SHPRH: variants seen among roughly 807,000 people sequenced by gnomAD.
SHPRH encodes the protein SNF2 histone linker PHD RING helicase, also known as E3 ubiquitin-protein ligase SHPRH.
Under a neutral mutation model 202.5 loss-of-function variants are expected in SHPRH, and 106 were observed. That is an observed-to-expected ratio of 0.52 (90% CI 0.45 to 0.62). The LOEUF (loss-of-function observed/expected upper bound fraction) is 0.62, where lower values mean the gene tolerates loss of function less well. Ranked by LOEUF, SHPRH falls within the 20% of genes least tolerant of loss-of-function variation. The pLI is 0.00. For missense variants in SHPRH, 1,710 were observed against 2,020.0 expected, an observed-to-expected ratio of 0.85 and a Z score of 2.94; for synonymous variants, 729 against 686.0, an observed-to-expected ratio of 1.06 and a Z score of -0.98.
chr6:145,873,995 T>C (rs942493069), intron 2 of SHPRH, among the ~76,000 whole-genome samples: 12 of 151,774 alleles, frequency 7.9e-5, no homozygotes, highest in Admixed American at 2.6e-4. Flanking sequence ...GGTCAGGAGT[T>C]CAAGACCAGC....
At chr6:145,865,339 C>T (rs1779728997) in intron 2 of SHPRH, among the ~76,000 whole-genome samples, 1 of 152,150 alleles carries the variant, frequency 6.6e-6, no homozygotes, top group Admixed American at 6.5e-5. Context: ...CTTTCTCTTT[C>T]CCATGTGAGG....
chr6:145,882,239 C>T (rs749109671), downstream of SHPRH, among the ~76,000 whole-genome samples: 1 of 152,138 alleles, frequency 6.6e-6, no homozygotes, highest in Non-Finnish European at 1.5e-5. Flanking sequence ...AACGAGATGA[C>T]TGCTTGAGTC....
At chr6:145,880,162 T>C (rs1269721249), downstream of SHPRH, among the ~76,000 whole-genome samples, 1 of 152,124 alleles carries the variant, frequency 6.6e-6, no homozygotes, top group African/African-American at 2.4e-5. Context: ...CAGGTGTATC[T>C]CCAAACATTC....
At chr6:145,929,347 G>C (rs1785200489) in intron 14 of SHPRH, among the ~76,000 whole-genome samples, 1 of 151,886 alleles carries the variant, frequency 6.6e-6, no homozygotes, top group Non-Finnish European at 1.5e-5. Context: ...AATAAAATGT[G>C]TTTAATACCA....
intron 23 of SHPRH, 41 bp from the exon 24 acceptor site, chr6:145,913,590 T>C: frequency 6.5e-7 from 1 of 1,536,868 alleles, no homozygotes; most frequent in Non-Finnish European, 8.9e-7. Context: ...GTTACGTTTT[T>C]ACATATAAAA....
At chr6:145,946,612 A>T (rs1036646703) in intron 6 of SHPRH, among the ~76,000 whole-genome samples, 2 of 152,070 alleles carry the variant, frequency 1.3e-5, no homozygotes, top group Non-Finnish European at 2.9e-5. Flanking sequence ...TTTAAATATA[A>T]AATTAACCCA....
intron 2 of SHPRH, among the ~76,000 whole-genome samples, chr6:145,867,599 A>AATAT (rs374395571): frequency 0.014 from 300 of 21,534 alleles, 19 homozygotes; most frequent in Admixed American, 0.027. Flanking sequence ...TTCAAAAAAG[A>AATAT]ATATATATAT....
chr6:145,943,751 T>C lies in SHPRH; in HGVS notation c.1630A>G (p.Lys544Glu). ...GGCAAGTATTCAGAATCTGTGTCCT[T>C]GTTCCCTGATTTTCTAGTTTCTTTC... ...IQKETRKSGN[K>E]DTDSEYLPSD... Residue 544 changes from lysine to glutamate, a missense_variant, in exon 9 of 30, where the codon AAG becomes GAG. Lys to Glu is a moderately conservative substitution (Grantham distance 56). This residue lies in a region of SHPRH where 348 missense variants were observed against 356.9 expected (regional missense o/e 0.97). Transcript: ENST00000275233. 1.3e-6 allele frequency: 2 copies of C among 1,598,284 alleles called. No homozygotes were observed. The highest frequency in any genetic ancestry group is 1.7e-6 in the Non-Finnish European group (2 of 1,175,826).
chr6:145,925,092 T>C (rs1282812795), intron 16 of SHPRH, among the ~76,000 whole-genome samples: 1 of 151,652 alleles, frequency 6.6e-6, no homozygotes, highest in Non-Finnish European at 1.5e-5. Flanking sequence ...TGCCAATTTC[T>C]TATTTAATTT....
At chr6:145,891,976 G>A (rs1471125603) in intron 28 of SHPRH, among the ~76,000 whole-genome samples, 1 of 152,130 alleles carries the variant, frequency 6.6e-6, no homozygotes, top group African/African-American at 2.4e-5. Context: ...TGGTATGTTA[G>A]AACAAGCCCG....
At chr6:145,907,680 G>A (rs936787344) in intron 25 of SHPRH, 1 of 151,892 alleles carries the variant, frequency 6.6e-6, no homozygotes, top group Non-Finnish European at 1.5e-5. Flanking sequence ...TTCTCTGTCT[G>A]GGAGCCAACC....
intron 25 of SHPRH, chr6:145,904,818 A>T (rs575490609): frequency 2.0e-5 from 3 of 151,990 alleles, no homozygotes; most frequent in Non-Finnish European, 4.4e-5. Flanking sequence ...TATAAACTTA[A>T]TTTTTTTTAA....
At chr6:145,945,328 G>GT in intron 8 of SHPRH, 53 bp downstream of exon 8, 1 of 1,540,044 alleles carries the variant, frequency 6.5e-7, no homozygotes, top group Non-Finnish European at 8.7e-7. Flanking sequence ...AATGTACTCA[G>GT]TAAGGTATCA....
intron 2 of SHPRH, among the ~76,000 whole-genome samples, chr6:145,879,638 T>C (rs2253880): frequency 0.45 from 68,411 of 151,840 alleles, 15,916 homozygotes; most frequent in African/African-American, 0.55. Context: ...CAGCCGGGTG[T>C]GGTGGCTCAT....
intron 25 of SHPRH, chr6:145,908,704 G>T (rs944775329): frequency 6.6e-6 from 1 of 152,072 alleles, no homozygotes; most frequent in Non-Finnish European, 1.5e-5. Flanking sequence ...CGTTCTGTAG[G>T]ATGCCTGTTT....
intron 28 of SHPRH, among the ~76,000 whole-genome samples, chr6:145,891,316 A>G (rs1781547353): frequency 6.6e-6 from 1 of 152,140 alleles, no homozygotes; most frequent in Admixed American, 6.6e-5. Context: ...TTACTTGAAC[A>G]TTCTTTCACA....
chr6:145,909,394 TTATTCTA>T (rs1783280447), intron 25 of SHPRH: 2 of 152,120 alleles, frequency 1.3e-5, no homozygotes, highest in South Asian at 4.1e-4. Flanking sequence ...GGATGAATGC[TTATTCTA>T]ACTGTGGAAT....
chr6:145,960,784 T>C (rs1296629445), intron 1 of SHPRH, among the ~76,000 whole-genome samples: 2 of 152,198 alleles, frequency 1.3e-5, no homozygotes, highest in Non-Finnish European at 2.9e-5. Context: ...ATCATCATCC[T>C]GAGAACACTC....
intron 11 of SHPRH, among the ~76,000 whole-genome samples, chr6:145,936,387 T>C (rs571237625): frequency 6.6e-6 from 1 of 152,316 alleles, no homozygotes; most frequent in Admixed American, 6.5e-5. Flanking sequence ...TCGAGTGCAG[T>C]GGCACCATCT....
Sources: gnomAD v4.1 joint callset for allele counts (sites outside exome capture counted in the v4.1 genomes callset) on GRCh38, gnomAD v4.1.1 for gene constraint, gnomAD v4.1.1 regional missense constraint, MANE v1.5 for transcripts, NCBI Gene and HGNC (gene_info 2026-07-23, HGNC 2026-07-21) for gene names.